XRCC1: variants seen among roughly 807,000 people sequenced by gnomAD.
XRCC1 encodes DNA repair protein XRCC1.
XRCC1 carries 52 observed loss-of-function variants against 83.3 expected under a neutral mutation model. That is an observed-to-expected ratio of 0.62 (90% CI 0.50 to 0.79). The LOEUF (loss-of-function observed/expected upper bound fraction) is 0.79, where lower values mean the gene tolerates loss of function less well. XRCC1 is among the 30% of genes least tolerant of loss of function. The pLI is 0.00. For missense variants in XRCC1, 793 were observed against 823.5 expected, an observed-to-expected ratio of 0.96 and a Z score of 0.45; for synonymous variants, 281 against 312.6, an observed-to-expected ratio of 0.90 and a Z score of 1.07.
intron 2 of XRCC1, among the ~76,000 whole-genome samples, chr19:43,568,357 C>T (rs760751515): frequency 6.6e-6 from 1 of 151,872 alleles, no homozygotes. Flanking sequence ...ATTAGCCAAG[C>T]CTGGTGGCAT....
chr19:43,552,072 G>A lies in XRCC1; in HGVS notation c.1027C>T (p.Leu343=). 1.2e-6 allele frequency: 2 copies of A among 1,614,098 alleles called. No homozygotes were observed. Among genetic ancestry groups the A allele is most frequent in the Non-Finnish European group, 1.7e-6 (2 of 1,179,984 alleles). ...GGCCGATACTTGGCCCCAAGCTCTA[G>A]GGCCTTATCTCGCAGCTCGGAGCGG... The part of the protein sequence containing the change: ...PFRSELRDKA[L]ELGAKYRPDW... Residue 343 remains leucine (L), a synonymous_variant, in exon 9 of 17, where the codon CTA becomes TTA. Coordinates refer to ENST00000262887, the MANE Select transcript of XRCC1 (RefSeq NM_006297.3).
intron 2 of XRCC1, among the ~76,000 whole-genome samples, chr19:43,562,771 G>A (rs1243344272): frequency 6.6e-6 from 1 of 152,142 alleles, no homozygotes; most frequent in African/African-American, 2.4e-5. Flanking sequence ...CCCTCTGAAG[G>A]AAGTTGAGAT....
At chr19:43,561,873 T>C (rs1024080411) in intron 2 of XRCC1, among the ~76,000 whole-genome samples, 26 of 152,094 alleles carry the variant, frequency 1.7e-4, no homozygotes, top group African/African-American at 6.3e-4. Context: ...CTCTCAAAGG[T>C]ACCTGGGCCA....
intron 2 of XRCC1, among the ~76,000 whole-genome samples, chr19:43,564,291 A>G (rs746689689): frequency 1.3e-5 from 2 of 152,152 alleles, no homozygotes; most frequent in Non-Finnish European, 2.9e-5. Flanking sequence ...GTTACTACTC[A>G]AGAGTTATTA....
At chr19:43,552,733 C>T in intron 8 of XRCC1, 64 bp downstream of exon 8, 1 of 1,445,608 alleles carries the variant, frequency 6.9e-7, no homozygotes. Flanking sequence ...CAGGCTCCAG[C>T]CCCGCTTCCC....
At chr19:43,559,774 A>AT (rs765709037) in intron 3 of XRCC1, among the ~76,000 whole-genome samples, 28 of 152,032 alleles carry the variant, frequency 1.8e-4, no homozygotes, top group Non-Finnish European at 3.5e-4. Flanking sequence ...AAGTGTCATC[A>AT]TAAGGGTCTT....
intron 2 of XRCC1, among the ~76,000 whole-genome samples, 190 bp from the exon 3 acceptor site, chr19:43,561,210 C>A (rs966050647): frequency 6.6e-6 from 1 of 152,178 alleles, no homozygotes; most frequent in African/African-American, 2.4e-5. Context: ...CAGAAACTCA[C>A]AAAATAGTCA....
chr19:43,565,266 C>G (rs1443855076), intron 2 of XRCC1, among the ~76,000 whole-genome samples: 3 of 152,180 alleles, frequency 2.0e-5, no homozygotes, highest in Admixed American at 2.0e-4. Context: ...CTTGGCTAAG[C>G]ATGGGCCGGG....
At chr19:43,546,762 G>C in intron 11 of XRCC1, 35 bp from the exon 12 acceptor site, 1 of 1,599,552 alleles carries the variant, frequency 6.3e-7, no homozygotes, top group Non-Finnish European at 8.5e-7. Context: ...AGGAGGGCAG[G>C]AACAGTGTGG....
chr19:43,546,721 G>T lies in XRCC1; in HGVS notation c.1300C>A (p.Gln434Lys). Residue 434 changes from glutamine to lysine, a missense_variant, in exon 12 of 17, where the codon CAG (glutamine) becomes AAG (lysine). Physicochemically the swap from Gln to Lys is moderately conservative, Grantham distance 53. Coordinates refer to ENST00000262887, the MANE Select transcript of XRCC1 (RefSeq NM_006297.3). ...GCCTGAGTGGGCTTGGTTTTGGTCT[G>T]GGGTTGCTAAGGAGGGAGAGTGGGT... ...EAPKLPQKQP[Q>K]TKTKPTQAAG... 6.2e-7 allele frequency: 1 copy of T among 1,608,254 alleles called. No homozygotes were observed. The highest frequency in any genetic ancestry group is 8.5e-7 in the Non-Finnish European group (1 of 1,177,852).
chr19:43,549,968 C>A (rs1972559072), intron 10 of XRCC1, among the ~76,000 whole-genome samples: 1 of 152,078 alleles, frequency 6.6e-6, no homozygotes, highest in African/African-American at 2.4e-5. Context: ...CCAGATATAG[C>A]ACCAGCCCAT....
chr19:43,547,210 A>T (rs1320084255), intron 10 of XRCC1, among the ~76,000 whole-genome samples: 9 of 148,526 alleles, frequency 6.1e-5, no homozygotes, highest in East Asian at 5.9e-4. Flanking sequence ...TTTTTTTGAG[A>T]CAGAGTCCAT....
chr19:43,568,205 A>G (rs1197050707), intron 2 of XRCC1, among the ~76,000 whole-genome samples: 1 of 151,580 alleles, frequency 6.6e-6, no homozygotes, highest in African/African-American at 2.4e-5. Context: ...ATTTAAAAGA[A>G]TAAGGTAGGC....
rs760735958 is a variant in XRCC1, at chr19:43,544,203, G to T, written c.1653C>A (p.Tyr551Ter). 2 of 1,610,726 alleles carry T rather than the reference G, an allele frequency of 1.2e-6. No individual in the cohort carries two copies. Among genetic ancestry groups the T allele is most frequent in the Non-Finnish European group, 1.7e-6 (2 of 1,178,528 alleles). Residue 551 changes from tyrosine to a stop codon, truncating the protein, a stop_gained, in exon 15 of 17, where the codon TAC becomes TAA. Coordinates refer to ENST00000262887, the MANE Select transcript of XRCC1 (RefSeq NM_006297.3). LOFTEE classifies it high-confidence loss of function. ...GCCGCTCGTCCCCAGGGAACTCCCC[G>T]TAAAGAAAGAAGTGCTTGCCCTGGA... The part of the protein sequence containing the change: ...DFFQGKHFFL[Y>*]GEFPGDERRK...
chr19:43,558,986 A>T (rs1418936842), intron 3 of XRCC1, among the ~76,000 whole-genome samples: 2 of 151,936 alleles, frequency 1.3e-5, no homozygotes, highest in African/African-American at 2.4e-5. Context: ...AAAATTTTTT[A>T]AAAAATTAGC....
At position 43,561,000 on chromosome 19, in the gene XRCC1, T is replaced by C. The variant is rs1972693240; in HGVS notation, c.165A>G (p.Ile55Met). 4 of 1,614,058 alleles carry C rather than the reference T, an allele frequency of 2.5e-6. No individual in the cohort carries two copies. Among genetic ancestry groups the C allele is most frequent in the Admixed American group, 1.7e-5 (1 of 60,004 alleles). ...VVLQLEKEEQ[I>M]HSVDIGNDGS... ...CATCATTCCCAATGTCCACACTGTG[T>C]ATCTGCTCCTCCTTCTCCAACTGTG... is the stretch of plus-strand genomic sequence containing the variant. The change falls in exon 3 of 17, where the codon ATA (isoleucine) becomes ATG (methionine). Residue 55 changes from isoleucine (I) to methionine (M), a missense_variant. By Grantham distance (10) the Ile-to-Met change is conservative. Coordinates refer to ENST00000262887, the MANE Select transcript of XRCC1 (RefSeq NM_006297.3).
chr19:43,574,040 G>A (rs538936676), intron 2 of XRCC1, among the ~76,000 whole-genome samples: 84 of 152,134 alleles, frequency 5.5e-4, no homozygotes, highest in African/African-American at 2.0e-3. Context: ...AGCAGCGACT[G>A]ACAGGTAACG....
Position 43,554,797 on chromosome 19 carries a change from A to G in XRCC1, c.263T>C (p.Leu88Pro). ...GAGEQDYEVL[L>P]VTSSFMSPSE... The stretch of plus-strand genomic sequence containing the variant: ...AGGGGACATGAAAGATGAGGTGACC[A>G]GAAGGACCTGGGTGGGAGAAGCCAC... The change falls in exon 4 of 17, where the codon CTG becomes CCG. Residue 88 changes from leucine (L) to proline (P), a missense_variant. Transcript: ENST00000262887. 1 of 1,611,110 alleles carries G rather than the reference A, an allele frequency of 6.2e-7. No homozygotes were observed. Among genetic ancestry groups the G allele is most frequent in the Non-Finnish European group, 8.5e-7 (1 of 1,177,762 alleles).
intron 2 of XRCC1, among the ~76,000 whole-genome samples, chr19:43,566,669 A>C (rs1189390822): frequency 6.6e-6 from 1 of 151,912 alleles, no homozygotes; most frequent in Non-Finnish European, 1.5e-5. Flanking sequence ...TCTTGAGCCC[A>C]GGAGTTCAAG....
Sources: gnomAD v4.1 joint callset for allele counts (sites outside exome capture counted in the v4.1 genomes callset) on GRCh38, gnomAD v4.1.1 for gene constraint, MANE v1.5 for transcripts, NCBI Gene and HGNC (gene_info 2026-07-23, HGNC 2026-07-21) for gene names.